Variants in SDK1 observed in about 807,000 individuals in gnomAD.
SDK1 encodes protein sidekick-1.
In SDK1, 157 loss-of-function variants were observed where a neutral mutation model predicts 245.5. The ratio of observed to expected loss-of-function variants is 0.64; its 90% CI spans 0.56 to 0.73. The LOEUF is 0.73. SDK1 is among the 30% of genes least tolerant of loss of function. SDK1 has a pLI of 0.00. For synonymous variants in SDK1, 1,647 were observed against 1,278.5 expected (o/e 1.29, Z -6.15); for missense variants, 3,583 against 3,002.3 (o/e 1.19, Z -4.52).
intron 22 of SDK1, among the ~76,000 whole-genome samples, chr7:4,080,515 A>T (rs985616962): frequency 3.3e-5 from 5 of 152,244 alleles, no homozygotes; most frequent in Non-Finnish European, 5.9e-5. Flanking sequence ...AATTGGCCGT[A>T]AATTAGGGAA....
chr7:4,109,105 C>T (rs1446935656), intron 22 of SDK1, among the ~76,000 whole-genome samples: 3 of 152,136 alleles, frequency 2.0e-5, no homozygotes, highest in Non-Finnish European at 2.9e-5. Flanking sequence ...CTTTGACTGT[C>T]GTGACTAGTG....
chr7:4,216,912 C>A (rs934519226), intron 38 of SDK1, among the ~76,000 whole-genome samples: 1 of 152,162 alleles, frequency 6.6e-6, no homozygotes, highest in Non-Finnish European at 1.5e-5. Context: ...CAGCCATCCC[C>A]GTCACTCTAG....
intron 1 of SDK1, among the ~76,000 whole-genome samples, chr7:3,461,927 C>G (rs549536682): frequency 3.3e-5 from 5 of 152,236 alleles, no homozygotes; most frequent in African/African-American, 1.2e-4. Context: ...TTGCTCTTAA[C>G]CAGATCAGTT....
At chr7:3,914,787 C>T (rs927810359) in intron 5 of SDK1, among the ~76,000 whole-genome samples, 23 of 152,168 alleles carry the variant, frequency 1.5e-4, no homozygotes, top group Admixed American at 1.3e-4. Context: ...GTTGAAAAAA[C>T]GTCCATACAA....
intron 1 of SDK1, among the ~76,000 whole-genome samples, chr7:3,455,467 T>C (rs1780639741): frequency 1.3e-5 from 2 of 152,048 alleles, no homozygotes; most frequent in South Asian, 4.1e-4. Context: ...AATGTGAGAC[T>C]TGGGTGGAGA....
intron 1 of SDK1, among the ~76,000 whole-genome samples, chr7:3,380,143 GA>G (rs1303950318): frequency 2.0e-5 from 3 of 152,152 alleles, no homozygotes; most frequent in South Asian, 4.2e-4. Context: ...TTTATAATCA[GA>G]AAAAAAGTTC....
intron 22 of SDK1, among the ~76,000 whole-genome samples, chr7:4,092,752 A>G (rs1183190982): frequency 6.6e-6 from 1 of 152,140 alleles, no homozygotes; most frequent in Admixed American, 6.5e-5. Flanking sequence ...ACACTGAGGA[A>G]GGAACAATAG....
At chr7:3,899,041 G>A (rs1682445971) in intron 5 of SDK1, among the ~76,000 whole-genome samples, 1 of 151,956 alleles carries the variant, frequency 6.6e-6, no homozygotes, top group South Asian at 2.1e-4. Context: ...TCAATTTTAG[G>A]CCTCCTTTTG....
At chr7:3,632,421 A>G (rs1562617277) in intron 2 of SDK1, among the ~76,000 whole-genome samples, 1 of 152,208 alleles carries the variant, frequency 6.6e-6, no homozygotes, top group Non-Finnish European at 1.5e-5. Context: ...TAATGAAGAT[A>G]AAGTTTAAAT....
chr7:4,189,617 A>G (rs1783076389), intron 35 of SDK1, among the ~76,000 whole-genome samples: 1 of 152,226 alleles, frequency 6.6e-6, no homozygotes, highest in African/African-American at 2.4e-5. Flanking sequence ...TGAGAGGCCA[A>G]GGCGGGTGGA....
rs139782313 is a variant in SDK1 at position 4,157,308 on chromosome 7, G to A, written c.4626-1140G>A. Reference sequence around the variant, plus strand: ...GGGAAGGAAGAAAGGGAAGGGAAAAGGAAGGAGGGACGGGAGGTGGAAGGG... The same window carrying A: ...GGGAAGGAAGAAAGGGAAGGGAAAAAGAAGGAGGGACGGGAGGTGGAAGGG... On this transcript the variant is annotated intron_variant, in intron 30 of 44. Coordinates refer to ENST00000404826, the MANE Select transcript of SDK1 (RefSeq NM_152744.4). Among the ~76,000 whole-genome samples the A allele has an allele frequency of 5.4e-4, 81 of 151,308 alleles. 2 individuals are homozygous for A. The highest frequency in any genetic ancestry group is 1.8e-3 in the African/African-American group (76 of 41,122).
chr7:4,102,669 G>C (rs1451337529), intron 22 of SDK1, among the ~76,000 whole-genome samples: 1 of 152,168 alleles, frequency 6.6e-6, no homozygotes, highest in African/African-American at 2.4e-5. Context: ...GGGTGTTCCT[G>C]GTCCTGCCCT....
At chr7:3,706,829 T>C (rs1283294935) in intron 4 of SDK1, among the ~76,000 whole-genome samples, 1 of 152,164 alleles carries the variant, frequency 6.6e-6, no homozygotes, top group Admixed American at 6.5e-5. Flanking sequence ...TTCCTCCAGA[T>C]TTTCTAATTT....
In SDK1 at chr7:3,655,369, G is replaced by A. The variant is rs185647295; in HGVS notation, c.713+13264G>A. 2.5e-3 allele frequency among the ~76,000 whole-genome samples: 374 copies of A among 148,610 alleles called. 3 individuals are homozygous for A. Among genetic ancestry groups the A allele is most frequent in the South Asian group, 0.018 (85 of 4,644 alleles). On this transcript the variant is annotated intron_variant, in intron 4 of 44. Transcript: ENST00000404826. Reference sequence around the variant, plus strand: ...AATCACTTGAACCCAGGAGGTGGAGGTTGCGGTGAGCCGAGATCGCAGCAT... The same window carrying A: ...AATCACTTGAACCCAGGAGGTGGAGATTGCGGTGAGCCGAGATCGCAGCAT...
chr7:3,306,057 C>T (rs968387923), intron 1 of SDK1, among the ~76,000 whole-genome samples: 7 of 152,124 alleles, frequency 4.6e-5, no homozygotes, highest in African/African-American at 1.7e-4. Context: ...GAGCGTTTCC[C>T]ATGTAGCCTC....
rs28550694 is a variant in SDK1 at position 3,794,154 on chromosome 7, G to A, written c.714-27296G>A. On this transcript the variant is annotated intron_variant, in intron 4 of 44. Coordinates refer to ENST00000404826, the MANE Select transcript of SDK1 (RefSeq NM_152744.4). The stretch of plus-strand genomic sequence containing the variant: ...AAGTATCATGAGGTATTTCAGATAT[G>A]CAAAGCAAGTATAAAGGAGAACGGC... Among the ~76,000 whole-genome samples, 713 of 152,218 alleles carry A rather than the reference G, an allele frequency of 4.7e-3. 5 individuals carry two copies. The highest frequency in any genetic ancestry group is 0.016 in the African/African-American group (675 of 41,536).
chr7:3,904,017 G>A (rs58122704), intron 5 of SDK1, among the ~76,000 whole-genome samples: 1,679 of 152,154 alleles, frequency 0.011, 37 homozygotes, highest in African/African-American at 0.038. Context: ...ACATGCAGAC[G>A]TCCAATCTTG....
At chr7:3,752,735 A>T (rs1447031377) in intron 4 of SDK1, among the ~76,000 whole-genome samples, 1 of 152,198 alleles carries the variant, frequency 6.6e-6, no homozygotes, top group Non-Finnish European at 1.5e-5. Flanking sequence ...ATTATTGTGC[A>T]TCATGAGACT....
At chr7:3,568,744 A>C (rs186833793) in intron 1 of SDK1, among the ~76,000 whole-genome samples, 10 of 152,306 alleles carry the variant, frequency 6.6e-5, no homozygotes, top group African/African-American at 2.2e-4. Context: ...CTGATTCAAA[A>C]TGGTTTATCC....
Sources: allele counts gnomAD v4.1 joint callset (sites outside exome capture counted in the v4.1 genomes callset), GRCh38; gene constraint gnomAD v4.1.1; transcripts MANE v1.5; gene names NCBI Gene and HGNC (gene_info 2026-07-23, HGNC 2026-07-21).